Variants in GATB observed in about 807,000 individuals in gnomAD.
The protein encoded by GATB is glutamyl-tRNA amidotransferase subunit B.
Under a neutral mutation model 62.3 loss-of-function variants are expected in GATB, and 39 were observed. That is an observed-to-expected ratio of 0.63 (90% CI 0.48 to 0.82). The LOEUF is 0.82. GATB is among the 40% of genes least tolerant of loss of function. The pLI, the probability that GATB is intolerant of heterozygous loss-of-function variation, is 0.00. For synonymous variants in GATB, 276 were observed against 258.9 expected, an observed-to-expected ratio of 1.07 and a Z score of -0.63; for missense variants, 670 against 684.0, an observed-to-expected ratio of 0.98 and a Z score of 0.23.
intron 2 of GATB, among the ~76,000 whole-genome samples, chr4:151,745,474 C>T (rs989936979): frequency 1.2e-4 from 18 of 152,176 alleles, no homozygotes; most frequent in South Asian, 2.1e-4. Flanking sequence ...CTAGCTTGAA[C>T]GAAATCTGTC....
At chr4:151,703,794 T>C (rs1325164263) in intron 8 of GATB, 57 bp downstream of exon 8, 1 of 1,197,986 alleles carries the variant, frequency 8.3e-7, no homozygotes, top group African/African-American at 1.5e-5. Flanking sequence ...TTAAATGAAC[T>C]TGAAATACGC....
chr4:151,704,744 C>T (rs1385125139), intron 7 of GATB, among the ~76,000 whole-genome samples: 5 of 138,614 alleles, frequency 3.6e-5, no homozygotes, highest in Non-Finnish European at 7.6e-5. Flanking sequence ...TGAGCCACGG[C>T]GCCTGGCCTT....
chr4:151,728,540 A>C (rs1269272859), intron 2 of GATB, among the ~76,000 whole-genome samples: 1 of 152,192 alleles, frequency 6.6e-6, no homozygotes, highest in South Asian at 2.1e-4. Flanking sequence ...AAAGTATATT[A>C]ATATTTAAAA....
chr4:151,733,675 G>A (rs1478948132), intron 2 of GATB, among the ~76,000 whole-genome samples: 1 of 151,968 alleles, frequency 6.6e-6, no homozygotes, highest in Admixed American at 6.6e-5. Context: ...ATATATCCTC[G>A]ATGAATGATA....
At chr4:151,689,750 G>C (rs547506410) in intron 9 of GATB, among the ~76,000 whole-genome samples, 1 of 152,108 alleles carries the variant, frequency 6.6e-6, no homozygotes, top group Non-Finnish European at 1.5e-5. Flanking sequence ...CATGAGGCGC[G>C]CATTCTTATC....
chr4:151,721,452 T>C (rs1301589580), intron 2 of GATB: 1 of 152,170 alleles, frequency 6.6e-6, no homozygotes, highest in Non-Finnish European at 1.5e-5. Context: ...CTCTAATTAT[T>C]GATGTTTTCA....
chr4:151,753,731 T>A (rs887440345), intron 2 of GATB, among the ~76,000 whole-genome samples: 17 of 150,896 alleles, frequency 1.1e-4, no homozygotes, highest in African/African-American at 3.9e-4. Context: ...AAACACATTT[T>A]AAGTGTACAC....
chr4:151,708,389 C>G (rs1738756601), intron 5 of GATB, among the ~76,000 whole-genome samples: 1 of 152,162 alleles, frequency 6.6e-6, no homozygotes, highest in African/African-American at 2.4e-5. Flanking sequence ...GATTCGCCAG[C>G]TGGAGAGATC....
chr4:151,695,091 C>T (rs1392969315), intron 9 of GATB, among the ~76,000 whole-genome samples: 8 of 152,170 alleles, frequency 5.3e-5, no homozygotes, highest in Non-Finnish European at 7.3e-5. Flanking sequence ...TTCGAGGGCT[C>T]GCAAGTACAT....
At chr4:151,717,360 A>G (rs1738935214) in intron 3 of GATB, 3 of 393,766 alleles carry the variant, frequency 7.6e-6, no homozygotes, top group Non-Finnish European at 9.4e-6. Context: ...AAAGTGCTGT[A>G]TTGGGGAATA....
intron 2 of GATB, among the ~76,000 whole-genome samples, chr4:151,736,020 A>G (rs1172240760): frequency 6.6e-6 from 1 of 151,774 alleles, no homozygotes; most frequent in African/African-American, 2.4e-5. Flanking sequence ...AACTAATGGG[A>G]AAAAAAAGAA....
chr4:151,671,122 G>A lies in GATB; in HGVS notation c.*52C>T. 1 of 1,607,330 alleles carries A rather than the reference G, an allele frequency of 6.2e-7. No homozygotes were observed. Among genetic ancestry groups the A allele is most frequent in the Non-Finnish European group, 8.5e-7 (1 of 1,174,818 alleles). ...CAGCTTTCACAGGATCCTGTTCCCA[G>A]TCAGGCTGCACTGTTTGTTGTTGTC... On this transcript the variant is annotated 3_prime_UTR_variant, in exon 13 of 13. Coordinates refer to ENST00000263985, the MANE Select transcript of GATB (RefSeq NM_004564.3).
At chr4:151,697,462 G>A (rs979194885) in intron 9 of GATB, among the ~76,000 whole-genome samples, 1 of 151,890 alleles carries the variant, frequency 6.6e-6, no homozygotes, top group Admixed American at 6.6e-5. Context: ...AACAGACACT[G>A]AAGACTTGGA....
intron 2 of GATB, among the ~76,000 whole-genome samples, chr4:151,748,201 G>C (rs1267507135): frequency 1.3e-5 from 2 of 152,132 alleles, no homozygotes; most frequent in East Asian, 3.8e-4. Context: ...AGCCCGCATT[G>C]CCAAGTCAAT....
At chr4:151,688,136 A>G (rs1738289106) in intron 10 of GATB, among the ~76,000 whole-genome samples, 1 of 151,766 alleles carries the variant, frequency 6.6e-6, no homozygotes, top group Non-Finnish European at 1.5e-5. Flanking sequence ...TGAGCTTCGC[A>G]CTCTGCTTTG....
chr4:151,728,819 T>C (rs1331507851), intron 2 of GATB, among the ~76,000 whole-genome samples: 10 of 152,230 alleles, frequency 6.6e-5, no homozygotes, highest in Admixed American at 5.9e-4. Flanking sequence ...ATTTGACTAT[T>C]GCTAAGAAAC....
At position 151,716,432 on chromosome 4, in the gene GATB, G is replaced by C. The variant is rs540517049; in HGVS notation, c.641-301C>G. Among the ~76,000 whole-genome samples, 5 of 152,174 alleles carry C rather than the reference G, an allele frequency of 3.3e-5. No individual in the cohort carries two copies. In the South Asian group the frequency reaches 1.0e-3, roughly 32 times the overall value. On this transcript the variant is annotated intron_variant, in intron 4 of 12. Transcript: ENST00000263985. ...TGAATAGCTGGGGATACAGGTGTAT[G>C]GCACCACACCTAGGTGTTAATTTTT...
intron 9 of GATB, among the ~76,000 whole-genome samples, chr4:151,697,461 T>C (rs1034297869): frequency 1.3e-5 from 2 of 151,740 alleles, no homozygotes; most frequent in Non-Finnish European, 2.9e-5. Context: ...TAACAGACAC[T>C]GAAGACTTGG....
intron 2 of GATB, among the ~76,000 whole-genome samples, chr4:151,748,830 C>T (rs1483155876): frequency 2.0e-5 from 3 of 152,078 alleles, no homozygotes; most frequent in African/African-American, 7.2e-5. Flanking sequence ...AAAACAACCC[C>T]ATCAAAAGGT....
Sources: allele counts gnomAD v4.1 joint callset (sites outside exome capture counted in the v4.1 genomes callset), GRCh38; gene constraint gnomAD v4.1.1; transcripts MANE v1.5; gene names NCBI Gene and HGNC (gene_info 2026-07-23, HGNC 2026-07-21).